The following SNURF variants were observed in gnomAD, a reference collection of about 807,000 sequenced individuals.
SNURF encodes SNRPN upstream open reading frame, also known as SNURF protein.
In SNURF, 6 loss-of-function variants were observed where a neutral mutation model predicts 11.6. That is an observed-to-expected ratio of 0.52 (90% CI 0.28 to 1.02). The LOEUF is 1.02. SNURF is among the 50% of genes least tolerant of loss of function. The pLI, the probability that SNURF is intolerant of heterozygous loss-of-function variation, is 0.09. For synonymous variants in SNURF, 29 were observed against 31.6 expected (o/e 0.92, Z 0.27); for missense variants, 84 against 88.4 (o/e 0.95, Z 0.20).
chr15:24,956,354 C>CGGGA lies in SNURF; in HGVS notation c.14+1295_14+1296insAGGG, dbSNP rs1555404319. On this transcript the variant is annotated intron_variant, in intron 1 of 2. Coordinates refer to ENST00000577949, the Ensembl canonical transcript of SNURF. Reference sequence around the variant, plus strand: ...GCTTAGATCTGCGCAAGCGCTTCAGCGGGGGGGTGGCCGCTTCCTCCCTGT... The same window carrying CGGGA: ...GCTTAGATCTGCGCAAGCGCTTCAGCGGGAGGGGGGGTGGCCGCTTCCTCCCTGT... Among the ~76,000 whole-genome samples, 21 of 138,158 alleles carry CGGGA rather than the reference C, an allele frequency of 1.5e-4. 2 individuals are homozygous for CGGGA. The highest frequency in any genetic ancestry group is 1.2e-3 in the Admixed American group (16 of 12,958). 90.6% of individuals were successfully genotyped at this position (138,158 alleles called of 152,430 possible). A position where few individuals can be genotyped will look rare whatever the true frequency, so the allele number is the denominator to read the frequency against.
At chr15:24,970,808 G>GT (rs1311281509), downstream of SNURF, among the ~76,000 whole-genome samples, 11 of 151,918 alleles carry the variant, frequency 7.2e-5, no homozygotes, top group African/African-American at 2.7e-4. Context: ...GTATTCTGGT[G>GT]TTTTTTTGTT....
At chr15:24,965,410 A>G (rs1042894453) in intron 2 of SNURF, among the ~76,000 whole-genome samples, 5 of 152,200 alleles carry the variant, frequency 3.3e-5, no homozygotes, top group African/African-American at 1.2e-4. Flanking sequence ...GGTAGTGTGC[A>G]CCTGTAATCC....
chr15:24,976,416 T>C lies in SNURF; in HGVS notation c.*309T>C, dbSNP rs200092176. On this transcript the variant is annotated splice_region_variant and 3_prime_UTR_variant and NMD_transcript_variant, in exon 5 of 7. Coordinates refer to the SNURF transcript ENST00000580062. Reference sequence around the variant, plus strand: ...CTGTGGAGGGGCCACCCCCCAAAGATGTAAGGAAGATGTAGGGCAGGACAG... The same window carrying C: ...CTGTGGAGGGGCCACCCCCCAAAGACGTAAGGAAGATGTAGGGCAGGACAG... 442 of 1,596,594 alleles carry C rather than the reference T, an allele frequency of 2.8e-4. 2 individuals carry two copies. The African/African-American group carries it at 4.8e-3, about 17-fold the overall frequency.
intron 1 of SNURF, among the ~76,000 whole-genome samples, chr15:24,961,607 A>C (rs548447552): frequency 1.3e-5 from 2 of 152,084 alleles, no homozygotes; most frequent in African/African-American, 2.4e-5. Flanking sequence ...CAGCTCTTCT[A>C]TTGCTTTGCA....
At chr15:24,956,745 C>T (rs944539112) in intron 1 of SNURF, among the ~76,000 whole-genome samples, 1 of 152,192 alleles carries the variant, frequency 6.6e-6, no homozygotes, top group African/African-American at 2.4e-5. Context: ...GCCTAGCAAG[C>T]TTGGCAGCCA....
chr15:24,976,999 T>A, exon 6 of SNURF: 1 of 1,594,548 alleles, frequency 6.3e-7, no homozygotes, highest in Non-Finnish European at 8.5e-7. Context: ...TGGCAGGCCC[T>A]GTCCGAGGAG....
At chr15:24,963,600 G>A (rs1370892489) in intron 2 of SNURF, among the ~76,000 whole-genome samples, 1 of 149,190 alleles carries the variant, frequency 6.7e-6, no homozygotes, top group African/African-American at 2.5e-5. Flanking sequence ...GGGTGACAGA[G>A]CAAGACTCCA....
chr15:24,961,975 T>C lies in SNURF; in HGVS notation c.15-139T>C, dbSNP rs1055118076. ...ATTATGACTGTTTGAAGGTTAAAGATCTTGTAATAATTTTACCTTGTTTTA... is the reference window on the plus strand; with the variant it reads ...ATTATGACTGTTTGAAGGTTAAAGACCTTGTAATAATTTTACCTTGTTTTA... On this transcript the variant is annotated intron_variant, in intron 1 of 2. Coordinates refer to ENST00000577949, the Ensembl canonical transcript of SNURF. 52 of 811,334 alleles carry C rather than the reference T, an allele frequency of 6.4e-5. No individual in the cohort carries two copies. In the South Asian group the frequency reaches 7.3e-4, roughly 11 times the overall value. 50.3% of individuals were successfully genotyped at this position (811,334 alleles called of 1,614,324 possible).
chr15:24,967,788 A>G (rs374373879), intron 2 of SNURF, 144 bp from the exon 3 acceptor site: 4 of 716,230 alleles, frequency 5.6e-6, no homozygotes, highest in East Asian at 5.9e-5. Context: ...AGCCTGGGCA[A>G]CAGAATGAGA....
downstream of SNURF, among the ~76,000 whole-genome samples, chr15:24,970,726 C>T (rs192070795): frequency 2.0e-5 from 3 of 152,170 alleles, no homozygotes; most frequent in African/African-American, 2.4e-5. Context: ...ACATTGTTTT[C>T]TAAACACATC....
chr15:24,961,831 G>A (rs1282553180), intron 1 of SNURF, among the ~76,000 whole-genome samples: 2 of 152,060 alleles, frequency 1.3e-5, no homozygotes, highest in Non-Finnish European at 2.9e-5. Flanking sequence ...AATTTTATAT[G>A]TACGTGACTA....
chr15:24,973,996 TAGAG>T (rs565100720), intron 3 of SNURF, among the ~76,000 whole-genome samples: 10 of 152,272 alleles, frequency 6.6e-5, no homozygotes, highest in South Asian at 4.1e-4. Context: ...AATTCTGAAC[TAGAG>T]AGAGAGACAC....
chr15:24,970,397 G>A (rs537907126), downstream of SNURF, among the ~76,000 whole-genome samples: 2 of 152,012 alleles, frequency 1.3e-5, no homozygotes, highest in East Asian at 3.9e-4. Flanking sequence ...CTGGCCACAT[G>A]GCGAAACCCC....
At chr15:24,955,770 G>A (rs1471115282) in intron 1 of SNURF, among the ~76,000 whole-genome samples, 1 of 150,472 alleles carries the variant, frequency 6.6e-6, no homozygotes, top group Admixed American at 6.6e-5. Flanking sequence ...GGGTATTGGC[G>A]GCGGTGGGCA....
chr15:24,974,311 G>C (rs1252799722), intron 3 of SNURF: 1 of 744,202 alleles, frequency 1.3e-6, no homozygotes, highest in Non-Finnish European at 2.4e-6. Flanking sequence ...TCCTCTGCAG[G>C]CTCCATCTAC....
chr15:24,975,657 T>C, intron 4 of SNURF: 1 of 655,126 alleles, frequency 1.5e-6, no homozygotes, highest in Admixed American at 2.5e-5. Context: ...TGACCTGATC[T>C]CTGAATTAGG....
In SNURF at chr15:24,967,951, C is replaced by T. The variant is rs375510236; in HGVS notation, c.130C>T (p.Arg44Cys). ...TTGTAGGTGTCAGTTGTACCCGAGGCGTTCTCAGCAGCAGCAAGTACCTGT... is the reference window on the plus strand; with the variant it reads ...TTGTAGGTGTCAGTTGTACCCGAGGTGTTCTCAGCAGCAGCAAGTACCTGT... Residue 44 changes from arginine (R) to cysteine (C), a missense_variant, in exon 3 of 3, where the codon CGT becomes TGT. Coordinates refer to ENST00000577949, the Ensembl canonical transcript of SNURF. The T allele has an allele frequency of 1.5e-4, 238 of 1,613,860 alleles. No individual in the cohort carries two copies. Among genetic ancestry groups the T allele is most frequent in the Non-Finnish European group, 1.7e-4 (203 of 1,179,976 alleles).
chr15:24,957,826 A>G (rs547854078), intron 1 of SNURF, among the ~76,000 whole-genome samples: 92 of 152,084 alleles, frequency 6.0e-4, no homozygotes, highest in Non-Finnish European at 9.3e-4. Context: ...CAAGCTGAGT[A>G]TTTAGTCTGA....
chr15:24,969,077 T>C (rs2076062104), downstream of SNURF, among the ~76,000 whole-genome samples: 1 of 152,208 alleles, frequency 6.6e-6, no homozygotes, highest in Non-Finnish European at 1.5e-5. Flanking sequence ...TGAAGTATTA[T>C]CCTTCAACTT....
Sources: gnomAD v4.1 joint callset for allele counts (sites outside exome capture counted in the v4.1 genomes callset) on GRCh38, gnomAD v4.1.1 for gene constraint, MANE v1.5 for transcripts, NCBI Gene and HGNC (gene_info 2026-07-23, HGNC 2026-07-21) for gene names.